The following SPTLC2 variants were observed in gnomAD, a reference collection of about 807,000 sequenced individuals.
SPTLC2 encodes serine palmitoyltransferase long chain base subunit 2, also known as serine palmitoyltransferase 2.
In SPTLC2, 21 loss-of-function variants were observed where a neutral mutation model predicts 62.0. The observed-to-expected ratio is 0.34, with a 90% CI of 0.24 to 0.49. SPTLC2 has a LOEUF of 0.49. Ranked by LOEUF, SPTLC2 falls within the 20% of genes least tolerant of loss-of-function variation. The pLI is 0.99. For missense variants in SPTLC2, 511 were observed against 713.0 expected (o/e 0.72, Z 3.23); for synonymous variants, 261 against 261.8 (o/e 1.00, Z 0.03).
At chr14:77,568,862 T>C (rs2079661401) in intron 5 of SPTLC2, among the ~76,000 whole-genome samples, 1 of 152,028 alleles carries the variant, frequency 6.6e-6, no homozygotes, top group African/African-American at 2.4e-5. Context: ...CAATTTTCTA[T>C]TTGTCTACTT....
chr14:77,589,651 G>A (rs557951693), intron 2 of SPTLC2, among the ~76,000 whole-genome samples: 1 of 152,072 alleles, frequency 6.6e-6, no homozygotes, highest in African/African-American at 2.4e-5. Context: ...TTAGCCAGGT[G>A]TTATGGCAGA....
rs538935666 is a variant in SPTLC2 at position 77,509,611 on chromosome 14, G to A, written c.*2673C>T. The A allele has an allele frequency of 9.4e-6, 3 of 319,444 alleles. No homozygotes were observed. Among genetic ancestry groups the A allele is most frequent in the East Asian group, 9.5e-5 (2 of 21,064 alleles). 19.8% of individuals were successfully genotyped at this position (319,444 alleles called of 1,614,324 possible). On this transcript the variant is annotated 3_prime_UTR_variant, in exon 12 of 12. Transcript: ENST00000216484. ...TTAAACTGTGTAAGAAACTACTCTTGTATGCCTCAAATCGACTTATTCTCA... is the reference window on the plus strand; with the variant it reads ...TTAAACTGTGTAAGAAACTACTCTTATATGCCTCAAATCGACTTATTCTCA...
chr14:77,551,435 T>C (rs2079555214), intron 9 of SPTLC2, among the ~76,000 whole-genome samples: 1 of 148,398 alleles, frequency 6.7e-6, no homozygotes, highest in African/African-American at 2.5e-5. Flanking sequence ...AATTATTGTC[T>C]CATACATGCA....
chr14:77,575,048 T>A (rs1162527704), intron 4 of SPTLC2, among the ~76,000 whole-genome samples: 1 of 151,934 alleles, frequency 6.6e-6, no homozygotes, highest in African/African-American at 2.4e-5. Flanking sequence ...GAGATCCCCA[T>A]CTCTACAAAA....
chr14:77,574,709 G>A (rs1251685702), intron 4 of SPTLC2, among the ~76,000 whole-genome samples: 3 of 152,184 alleles, frequency 2.0e-5, no homozygotes, highest in Non-Finnish European at 2.9e-5. Context: ...GGATGAATTT[G>A]AAAATATTGT....
chr14:77,516,052 T>C (rs1439844390), intron 11 of SPTLC2, among the ~76,000 whole-genome samples: 1 of 147,600 alleles, frequency 6.8e-6, no homozygotes, highest in Non-Finnish European at 1.5e-5. Context: ...ACTTTCTATA[T>C]ACAGAATCAT....
At chr14:77,590,552 C>CT (rs972114620) in intron 2 of SPTLC2, among the ~76,000 whole-genome samples, 37 of 152,154 alleles carry the variant, frequency 2.4e-4, no homozygotes, top group Middle Eastern at 3.4e-3. Context: ...CCTGTCTCTA[C>CT]TAAAAACACA....
At chr14:77,607,971 G>C (rs748085795) in intron 1 of SPTLC2, among the ~76,000 whole-genome samples, 8 of 152,184 alleles carry the variant, frequency 5.3e-5, no homozygotes, top group Non-Finnish European at 1.0e-4. Flanking sequence ...AAATCAATGT[G>C]AGAAAAGAGC....
At chr14:77,538,445 AAAT>A (rs2079482070) in intron 9 of SPTLC2, among the ~76,000 whole-genome samples, 1 of 152,238 alleles carries the variant, frequency 6.6e-6, no homozygotes, top group Admixed American at 6.5e-5. Flanking sequence ...TTTAAACTTG[AAAT>A]AATAAGACAG....
intron 1 of SPTLC2, among the ~76,000 whole-genome samples, chr14:77,611,258 G>A (rs1314738127): frequency 1.1e-4 from 17 of 151,182 alleles, no homozygotes; most frequent in African/African-American, 2.7e-4. Flanking sequence ...AGCCAAGATC[G>A]CGCCACTGCA....
intron 2 of SPTLC2, among the ~76,000 whole-genome samples, chr14:77,592,085 A>C (rs889586915): frequency 6.6e-6 from 1 of 151,732 alleles, no homozygotes; most frequent in Admixed American, 6.6e-5. Flanking sequence ...CCAAACAATC[A>C]ATCCCCTAGC....
intron 1 of SPTLC2, among the ~76,000 whole-genome samples, chr14:77,615,609 T>C (rs2079962291): frequency 6.6e-6 from 1 of 152,256 alleles, no homozygotes; most frequent in African/African-American, 2.4e-5. Flanking sequence ...TTCAACAGAA[T>C]ATCTGTCAGT....
At chr14:77,612,800 A>C (rs183411277) in intron 1 of SPTLC2, among the ~76,000 whole-genome samples, 2 of 152,230 alleles carry the variant, frequency 1.3e-5, no homozygotes, top group African/African-American at 2.4e-5. Flanking sequence ...ATTATTTAAC[A>C]TAAGAACACA....
At chr14:77,573,737 C>T (rs570997190) in intron 4 of SPTLC2, among the ~76,000 whole-genome samples, 5 of 152,190 alleles carry the variant, frequency 3.3e-5, no homozygotes, top group East Asian at 1.9e-4. Context: ...AAGAGATTCT[C>T]GTGCCTCAGC....
At chr14:77,614,508 C>G (rs887444543) in intron 1 of SPTLC2, among the ~76,000 whole-genome samples, 2 of 151,864 alleles carry the variant, frequency 1.3e-5, no homozygotes, top group Admixed American at 6.6e-5. Context: ...ACTAAAAATA[C>G]AAAAAATTAG....
chr14:77,551,390 C>CAAAAAAAA (rs11347331), intron 9 of SPTLC2, among the ~76,000 whole-genome samples: 3 of 61,192 alleles, frequency 4.9e-5, no homozygotes, highest in Non-Finnish European at 5.6e-5. Context: ...GACTCCGTCT[C>CAAAAAAAA]AAAAAAAAAA....
In SPTLC2 at chr14:77,512,229, GGCCA is replaced by G; in HGVS notation, c.*51_*54del. The G allele has an allele frequency of 6.2e-7, 1 of 1,612,010 alleles. No homozygotes were observed. Among genetic ancestry groups the G allele is most frequent in the South Asian group, 1.1e-5 (1 of 90,946 alleles). On this transcript the variant is annotated 3_prime_UTR_variant, in exon 12 of 12. Coordinates refer to ENST00000216484, the MANE Select transcript of SPTLC2 (RefSeq NM_004863.4). Reference sequence around the variant, plus strand: ...GTGGTTCCTGGAACTGGCTCACAAAGGCCACAGGCTGTCCTGGGTGAGGGAGAGT... The same window carrying G: ...GTGGTTCCTGGAACTGGCTCACAAAGCAGGCTGTCCTGGGTGAGGGAGAGT...
intron 10 of SPTLC2, 125 bp downstream of exon 10, chr14:77,521,321 T>G (rs2079383804): frequency 1.7e-6 from 2 of 1,172,760 alleles, no homozygotes; most frequent in Non-Finnish European, 1.3e-6. Context: ...CTATGGCATA[T>G]GTACCAAATG....
chr14:77,594,749 T>C (rs2079837259), intron 2 of SPTLC2, among the ~76,000 whole-genome samples: 1 of 152,380 alleles, frequency 6.6e-6, no homozygotes, highest in African/African-American at 2.4e-5. Context: ...AGGAATGTGC[T>C]GTCTGCACCA....
Sources: gnomAD v4.1 joint callset for allele counts (sites outside exome capture counted in the v4.1 genomes callset) on GRCh38, gnomAD v4.1.1 for gene constraint, MANE v1.5 for transcripts, NCBI Gene and HGNC (gene_info 2026-07-23, HGNC 2026-07-21) for gene names.